EXOC6B: variants seen among roughly 807,000 people sequenced by gnomAD.
EXOC6B encodes the protein exocyst complex component 6B.
A neutral mutation model predicts 113.5 loss-of-function variants in EXOC6B; 54 were observed. The ratio of observed to expected loss-of-function variants is 0.48; its 90% CI spans 0.38 to 0.60. The LOEUF is 0.60. Among genes scored for constraint, EXOC6B ranks in the 20% least tolerant of loss-of-function variants. The pLI is 0.00. For missense variants in EXOC6B, 797 were observed against 977.5 expected, an observed-to-expected ratio of 0.82 and a Z score of 2.46; for synonymous variants, 357 against 339.0, an observed-to-expected ratio of 1.05 and a Z score of -0.58.
At position 72,514,954 on chromosome 2, in the gene EXOC6B, G is replaced by GAC. The variant is rs57089571; in HGVS notation, c.999+87_999+88dup. On this transcript the variant is annotated intron_variant, in intron 9 of 21. Transcript: ENST00000272427. Reference sequence around the variant, plus strand: ...GAATGACAGTAAACACACACACACAGACACACACACACACACACACACACA... The same window carrying GAC: ...GAATGACAGTAAACACACACACACAGACACACACACACACACACACACACACA... The GAC allele has an allele frequency of 5.5e-3, 4,875 of 887,800 alleles. 8 individuals carry two copies. The highest frequency in any genetic ancestry group is 8.5e-3 in the African/African-American group (502 of 59,398). The allele number at this position is 887,800 out of a possible 1,614,324, so 55.0% of individuals were successfully genotyped here.
chr2:72,253,855 G>C (rs1480131506), intron 20 of EXOC6B, among the ~76,000 whole-genome samples: 2 of 151,962 alleles, frequency 1.3e-5, no homozygotes, highest in African/African-American at 2.4e-5. Flanking sequence ...TAAAATAAAA[G>C]TTAAAAGAAA....
intron 6 of EXOC6B, among the ~76,000 whole-genome samples, chr2:72,581,607 G>A (rs146817410): frequency 2.6e-5 from 4 of 152,130 alleles, no homozygotes; most frequent in Non-Finnish European, 4.4e-5. Context: ...ATAGTTACCC[G>A]AGGCCCAAGC....
rs769875426 is a variant in EXOC6B, at chr2:72,575,584, T to C, written c.754A>G (p.Ile252Val). 1.9e-6 allele frequency: 3 copies of C among 1,611,128 alleles called. No homozygotes were observed. Among genetic ancestry groups the C allele is most frequent in the Non-Finnish European group, 2.5e-6 (3 of 1,178,722 alleles). ...CTTTCTATCTCTGTATCAAAGATTA[T>C]ATATGCATCTTTCTTAGATTTCCTC... is the stretch of plus-strand genomic sequence containing the variant. ...SKRKSKKDAY[I>V]IFDTEIESTS... Residue 252 changes from isoleucine to valine, a missense_variant, in exon 7 of 22, where the codon ATA becomes GTA. Transcript: ENST00000272427.
At chr2:72,246,371 T>A (rs1352609536) in intron 20 of EXOC6B, among the ~76,000 whole-genome samples, 1 of 152,208 alleles carries the variant, frequency 6.6e-6, no homozygotes, top group Non-Finnish European at 1.5e-5. Context: ...GAATGGTAAC[T>A]CCATGAGGGG....
intron 18 of EXOC6B, among the ~76,000 whole-genome samples, chr2:72,447,548 G>C (rs955343880): frequency 6.6e-6 from 1 of 151,956 alleles, no homozygotes; most frequent in African/African-American, 2.4e-5. Context: ...CTAAATGCAG[G>C]GCCAGAATAA....
chr2:72,646,110 T>A (rs1673689500), intron 6 of EXOC6B, among the ~76,000 whole-genome samples: 1 of 152,096 alleles, frequency 6.6e-6, no homozygotes, highest in Admixed American at 6.6e-5. Flanking sequence ...ATAAAGGGGA[T>A]ACCACCACAG....
intron 20 of EXOC6B, among the ~76,000 whole-genome samples, chr2:72,291,384 G>A (rs540323100): frequency 2.6e-5 from 4 of 152,254 alleles, no homozygotes; most frequent in African/African-American, 9.6e-5. Context: ...AAATATAAGG[G>A]ATCTTTACAT....
intron 20 of EXOC6B, among the ~76,000 whole-genome samples, chr2:72,235,862 T>A (rs1025920148): frequency 6.6e-6 from 1 of 152,188 alleles, no homozygotes; most frequent in Non-Finnish European, 1.5e-5. Flanking sequence ...TTGGTATTTA[T>A]AATACGCCAC....
chr2:72,185,697 G>T (rs1490118053), intron 20 of EXOC6B, among the ~76,000 whole-genome samples: 1 of 151,534 alleles, frequency 6.6e-6, no homozygotes, highest in East Asian at 1.9e-4. Flanking sequence ...TCCTTTAGAA[G>T]AGAATTTCCC....
At chr2:72,797,923 G>A (rs1285094851) in intron 1 of EXOC6B, among the ~76,000 whole-genome samples, 1 of 152,074 alleles carries the variant, frequency 6.6e-6, no homozygotes, top group Non-Finnish European at 1.5e-5. Flanking sequence ...AAGGGATGAT[G>A]CAACAAATTT....
At chr2:72,545,318 A>C (rs1402980156) in intron 8 of EXOC6B, among the ~76,000 whole-genome samples, 1 of 152,150 alleles carries the variant, frequency 6.6e-6, no homozygotes, top group Non-Finnish European at 1.5e-5. Flanking sequence ...ATCAAGATAT[A>C]CCAAAAATGT....
intron 6 of EXOC6B, among the ~76,000 whole-genome samples, chr2:72,716,623 A>G (rs1679637183): frequency 6.6e-6 from 1 of 152,180 alleles, no homozygotes; most frequent in African/African-American, 2.4e-5. Context: ...CAGATTGAGT[A>G]CCATAGTAGA....
chr2:72,686,438 T>G (rs1677095770), intron 6 of EXOC6B, among the ~76,000 whole-genome samples: 1 of 152,192 alleles, frequency 6.6e-6, no homozygotes, highest in African/African-American at 2.4e-5. Flanking sequence ...AAGTACTATT[T>G]TCAATAGATA....
chr2:72,436,980 C>T (rs1236438017), intron 18 of EXOC6B, among the ~76,000 whole-genome samples: 1 of 152,144 alleles, frequency 6.6e-6, no homozygotes, highest in Non-Finnish European at 1.5e-5. Context: ...GGAGAAGAGG[C>T]ATTCTGATTT....
At chr2:72,571,646 A>T (rs1704516815) in intron 7 of EXOC6B, among the ~76,000 whole-genome samples, 1 of 152,174 alleles carries the variant, frequency 6.6e-6, no homozygotes, top group Admixed American at 6.5e-5. Context: ...TGGGGAAGAG[A>T]AAAAAAGAAA....
chr2:72,623,404 G>A (rs980046001), intron 6 of EXOC6B, among the ~76,000 whole-genome samples: 4 of 152,134 alleles, frequency 2.6e-5, no homozygotes, highest in Admixed American at 6.5e-5. Flanking sequence ...TAGACACCAG[G>A]GTAAATGCTA....
At chr2:72,797,395 T>A (rs1049066278) in intron 1 of EXOC6B, among the ~76,000 whole-genome samples, 1 of 152,104 alleles carries the variant, frequency 6.6e-6, no homozygotes, top group African/African-American at 2.4e-5. Context: ...GGAAAAGAGA[T>A]AATAAAAAGA....
intron 2 of EXOC6B, among the ~76,000 whole-genome samples, chr2:72,741,095 C>T (rs947861939): frequency 2.0e-5 from 3 of 151,402 alleles, no homozygotes; most frequent in Admixed American, 2.0e-4. Flanking sequence ...CAGAGCGAGA[C>T]TCCGCCTCAA....
intron 1 of EXOC6B, among the ~76,000 whole-genome samples, chr2:72,795,386 TAAC>T: frequency 6.6e-6 from 1 of 152,208 alleles, no homozygotes; most frequent in South Asian, 2.1e-4. Flanking sequence ...GACTCCTGAC[TAAC>T]ATGGTGAAAC....
Sources: gnomAD v4.1 joint callset for allele counts (sites outside exome capture counted in the v4.1 genomes callset) on GRCh38, gnomAD v4.1.1 for gene constraint, MANE v1.5 for transcripts, NCBI Gene and HGNC (gene_info 2026-07-23, HGNC 2026-07-21) for gene names.